The following SLCO3A1 variants were observed in gnomAD, a reference collection of about 807,000 sequenced individuals.
The protein encoded by SLCO3A1 is solute carrier organic anion transporter family member 3A1, also known as PGE1 transporter.
Under a neutral mutation model 63.1 loss-of-function variants are expected in SLCO3A1, and 27 were observed. The ratio of observed to expected loss-of-function variants is 0.43; its 90% CI spans 0.32 to 0.59. The LOEUF (loss-of-function observed/expected upper bound fraction) is 0.59. Among genes scored for constraint, SLCO3A1 ranks in the 20% least tolerant of loss-of-function variants. The probability of loss-of-function intolerance (pLI) is 0.09; values close to 1 mark genes in which losing one functional copy is unlikely to be tolerated. For synonymous variants in SLCO3A1, 473 were observed against 409.9 expected, an observed-to-expected ratio of 1.15 and a Z score of -1.86; for missense variants, 773 against 945.8, an observed-to-expected ratio of 0.82 and a Z score of 2.40.
chr15:92,110,705 C>T (rs1421217538), intron 4 of SLCO3A1, among the ~76,000 whole-genome samples: 8 of 138,484 alleles, frequency 5.8e-5, no homozygotes, highest in African/African-American at 1.2e-4. Context: ...TTACTCTGTA[C>T]GCTTCATGAA....
chr15:92,166,360 A>T (rs2048493667), downstream of SLCO3A1, among the ~76,000 whole-genome samples: 1 of 152,164 alleles, frequency 6.6e-6, no homozygotes, highest in Non-Finnish European at 1.5e-5. Flanking sequence ...GCTCCTAAGG[A>T]ATCATTTGAC....
At chr15:92,051,663 G>A (rs1005094581) in intron 2 of SLCO3A1, among the ~76,000 whole-genome samples, 6 of 152,138 alleles carry the variant, frequency 3.9e-5, no homozygotes, top group South Asian at 4.1e-4. Flanking sequence ...TGATCCCATC[G>A]TGAAATGAAC....
At chr15:91,890,133 C>T (rs1897834387) in intron 1 of SLCO3A1, among the ~76,000 whole-genome samples, 1 of 152,162 alleles carries the variant, frequency 6.6e-6, no homozygotes. Flanking sequence ...GCCTTGTGGG[C>T]ACTCTCAGTA....
rs112329838 is a variant in SLCO3A1 at position 91,864,877 on chromosome 15, C to G, written c.180+10789C>G. Among the ~76,000 whole-genome samples, 175 of 152,298 alleles carry G rather than the reference C, an allele frequency of 1.1e-3. 2 individuals are homozygous for G. The highest frequency in any genetic ancestry group is 4.0e-3 in the African/African-American group (167 of 41,568). On this transcript the variant is annotated intron_variant, in intron 1 of 9. Transcript: ENST00000318445. ...CACGTCCTGGTTGTTTGTTTTCTTC[C>G]TACCTCCCTCCACTGGCCCCTGACC... is the stretch of plus-strand genomic sequence containing the variant.
At chr15:91,940,947 G>C (rs188234191) in intron 2 of SLCO3A1, among the ~76,000 whole-genome samples, 26 of 152,272 alleles carry the variant, frequency 1.7e-4, no homozygotes, top group African/African-American at 5.8e-4. Context: ...ATCAGGTCAA[G>C]AGGGGCCCCC....
chr15:92,015,718 C>T (rs1017224054), intron 2 of SLCO3A1, among the ~76,000 whole-genome samples: 1 of 152,128 alleles, frequency 6.6e-6, no homozygotes, highest in African/African-American at 2.4e-5. Context: ...CTAAGGGTAA[C>T]TGTTGTGGGC....
chr15:91,969,292 T>A (rs1460402031), intron 2 of SLCO3A1, among the ~76,000 whole-genome samples: 1 of 151,134 alleles, frequency 6.6e-6, no homozygotes, highest in East Asian at 1.9e-4. Context: ...ATTTCTTGTG[T>A]TTGTCTGTAT....
intron 2 of SLCO3A1, among the ~76,000 whole-genome samples, chr15:91,963,006 C>A (rs925489168): frequency 2.0e-5 from 3 of 152,096 alleles, no homozygotes; most frequent in African/African-American, 7.2e-5. Flanking sequence ...AGATCTGATT[C>A]CTGAAGACCT....
intron 2 of SLCO3A1, among the ~76,000 whole-genome samples, chr15:91,935,594 G>T (rs1899383005): frequency 6.6e-6 from 1 of 152,190 alleles, no homozygotes; most frequent in Non-Finnish European, 1.5e-5. Context: ...TAGACATGGA[G>T]TAACGCCTCA....
intron 2 of SLCO3A1, among the ~76,000 whole-genome samples, chr15:92,012,606 G>C (rs1271641134): frequency 2.0e-5 from 3 of 152,084 alleles, no homozygotes; most frequent in Non-Finnish European, 2.9e-5. Flanking sequence ...CCTTGTACAG[G>C]TACATGGTTT....
At chr15:92,032,448 T>C (rs960081814) in intron 2 of SLCO3A1, among the ~76,000 whole-genome samples, 1 of 152,046 alleles carries the variant, frequency 6.6e-6, no homozygotes, top group African/African-American at 2.4e-5. Context: ...TAATTCCCAG[T>C]CTAGGGCTGT....
intron 1 of SLCO3A1, among the ~76,000 whole-genome samples, chr15:91,861,686 G>T (rs1428231368): frequency 1.3e-5 from 2 of 152,180 alleles, no homozygotes; most frequent in African/African-American, 4.8e-5. Context: ...CCAGGTTGGA[G>T]TGCAGTGGCA....
At chr15:92,028,887 C>T (rs1369351011) in intron 2 of SLCO3A1, among the ~76,000 whole-genome samples, 3 of 94,430 alleles carry the variant, frequency 3.2e-5, no homozygotes, top group African/African-American at 1.4e-4. Flanking sequence ...TCTTGACGTT[C>T]TTGTTTCAGC....
intron 1 of SLCO3A1, among the ~76,000 whole-genome samples, chr15:91,879,578 G>A (rs1297026783): frequency 2.6e-5 from 4 of 152,070 alleles, no homozygotes; most frequent in African/African-American, 7.2e-5. Flanking sequence ...ACAAAAATAT[G>A]GCTGAAAACT....
In SLCO3A1 at chr15:92,033,849, G is replaced by A. The variant is rs1298268647; in HGVS notation, c.647-61032G>A. On this transcript the variant is annotated intron_variant, in intron 2 of 9. Transcript: ENST00000318445. This position sits in a 1 kb window ranked among gnomAD's most constrained non-coding sequence, Gnocchi z 4.5. ...GAGGGACAAGCCGGGAGGTTATCTG[G>A]AGGAAAAACATTCCAGACAGACCAG... 6.6e-6 allele frequency among the ~76,000 whole-genome samples: 1 copy of A among 152,144 alleles called. No individual in the cohort carries two copies. The highest frequency in any genetic ancestry group is 1.5e-5 in the Non-Finnish European group (1 of 68,022).
At chr15:91,964,142 T>C (rs1194734235) in intron 2 of SLCO3A1, among the ~76,000 whole-genome samples, 5 of 152,136 alleles carry the variant, frequency 3.3e-5, no homozygotes, top group African/African-American at 9.7e-5. Context: ...AACCTACTTG[T>C]TTTCAGTTTA....
chr15:91,872,931 C>G lies in SLCO3A1; in HGVS notation c.180+18843C>G, dbSNP rs925153058. On this transcript the variant is annotated intron_variant, in intron 1 of 9. Coordinates refer to ENST00000318445, the MANE Select transcript of SLCO3A1 (RefSeq NM_013272.4). This position sits in a 1 kb window ranked among gnomAD's most constrained non-coding sequence, Gnocchi z 4.1. ...AAAAGACCTGTTATACATTCCAGGG[C>G]TGGTCACAGGGCCCCTGCTCCTGGC... is the stretch of plus-strand genomic sequence containing the variant. Among the ~76,000 whole-genome samples the G allele has an allele frequency of 6.6e-6, 1 of 152,210 alleles. No homozygotes were observed. The highest frequency in any genetic ancestry group is 2.4e-5 in the African/African-American group (1 of 41,466).
At chr15:92,109,498 C>G (rs76877901) in intron 4 of SLCO3A1, among the ~76,000 whole-genome samples, 2,640 of 152,312 alleles carry the variant, frequency 0.017, 76 homozygotes, top group African/African-American at 0.061. Context: ...TGTCCTGACC[C>G]TCTGCCAGGT....
At position 91,951,310 on chromosome 15, in the gene SLCO3A1, C is replaced by T. The variant is rs1440480994; in HGVS notation, c.646+34852C>T. Among the ~76,000 whole-genome samples the T allele has an allele frequency of 9.8e-5, 15 of 152,332 alleles. No individual in the cohort carries two copies. In the East Asian group the frequency reaches 2.9e-3, roughly 29 times the overall value. ...TCTGGACATTTAATATACATGGAAT[C>T]AGTGCAATACGTGGTGTTTTGTGTC... On this transcript the variant is annotated intron_variant, in intron 2 of 9. Transcript: ENST00000318445.
Sources: allele counts gnomAD v4.1 joint callset (sites outside exome capture counted in the v4.1 genomes callset), GRCh38; gene constraint gnomAD v4.1.1; non-coding constraint Gnocchi (gnomAD v3.1); transcripts MANE v1.5; gene names NCBI Gene and HGNC (gene_info 2026-07-23, HGNC 2026-07-21).